The following TTBK2 variants were observed in gnomAD, a reference collection of about 807,000 sequenced individuals.
TTBK2 encodes the protein tau tubulin kinase 2.
TTBK2 carries 28 observed loss-of-function variants against 110.8 expected under a neutral mutation model. That is an observed-to-expected ratio of 0.25 (90% CI 0.19 to 0.35). The LOEUF (loss-of-function observed/expected upper bound fraction) is 0.35. Among genes scored for constraint, TTBK2 ranks in the 10% least tolerant of loss-of-function variants. TTBK2 has a pLI of 1.00. For synonymous variants in TTBK2, 532 were observed against 527.3 expected, an observed-to-expected ratio of 1.01 and a Z score of -0.12; for missense variants, 1,369 against 1,500.3, an observed-to-expected ratio of 0.91 and a Z score of 1.45.
chr15:42,772,767 T>G (rs1316323045), intron 13 of TTBK2, among the ~76,000 whole-genome samples: 1 of 152,052 alleles, frequency 6.6e-6, no homozygotes, highest in African/African-American at 2.4e-5. Context: ...GGCAATACAG[T>G]GGGACCCCGT....
chr15:42,831,022 ATGTGTGTGTGTGTGTGTG>A (rs67420749), intron 4 of TTBK2, among the ~76,000 whole-genome samples: 1 of 145,448 alleles, frequency 6.9e-6, no homozygotes, highest in South Asian at 2.2e-4. Context: ...AAATGTATAT[ATGTGTGTGTGTGTGTGTG>A]TGTGTGTGTG....
chr15:42,753,035 A>G lies in TTBK2; in HGVS notation c.2211T>C (p.Ile737=). 6.2e-7 allele frequency: 1 copy of G among 1,613,948 alleles called. No homozygotes were observed. The highest frequency in any genetic ancestry group is 8.5e-7 in the Non-Finnish European group (1 of 1,179,940). The change falls in exon 14 of 15, where the codon ATT becomes ATC. Residue 737 remains isoleucine (I), a synonymous_variant. Transcript: ENST00000267890. ...TAATGTTGGGTAACATGTCATGACCAATGTGATCTATCTGAAGCCCCAAAT... is the reference window on the plus strand; with the variant it reads ...TAATGTTGGGTAACATGTCATGACCGATGTGATCTATCTGAAGCCCCAAAT... ...RTDLGLQIDH[I]GHDMLPNIRE... is the part of the protein sequence containing the mutation.
In TTBK2 at chr15:42,828,009, A is replaced by C; in HGVS notation, c.456T>G (p.Phe152Leu). 6.2e-7 allele frequency: 1 copy of C among 1,613,566 alleles called. No individual in the cohort carries two copies. The highest frequency in any genetic ancestry group is 1.1e-5 in the South Asian group (1 of 91,020). ...IKPSNFAMGR[F>L]PSTCRKCYML... ...TGTAACATTTCCTACATGTACTAGG[A>C]AAGCGACCCATAGCGAAGTTCGACT... Residue 152 changes from phenylalanine (F) to leucine (L), a missense_variant, in exon 6 of 15, where the codon TTT becomes TTG. By Grantham distance (22) the Phe-to-Leu change is conservative. Around this residue, in one of 4 missense-constraint regions of TTBK2, gnomAD observed 12 missense variants for 47.0 expected, o/e 0.26. Coordinates refer to ENST00000267890, the MANE Select transcript of TTBK2 (RefSeq NM_173500.4).
chr15:42,857,663 C>T (rs1023041148), intron 3 of TTBK2: 2 of 152,132 alleles, frequency 1.3e-5, no homozygotes, highest in African/African-American at 2.4e-5. Flanking sequence ...TTCAACAATA[C>T]AGATCCCTCA....
At chr15:42,895,454 A>G (rs1895626873) in intron 1 of TTBK2, among the ~76,000 whole-genome samples, 2 of 151,810 alleles carry the variant, frequency 1.3e-5, no homozygotes, top group Admixed American at 1.3e-4. Context: ...ACACATATTT[A>G]CCCATGGAAC....
At chr15:42,890,546 T>G (rs1365397420) in intron 1 of TTBK2, among the ~76,000 whole-genome samples, 1 of 152,208 alleles carries the variant, frequency 6.6e-6, no homozygotes, top group Admixed American at 6.5e-5. Context: ...TTCTAGCAAA[T>G]TGCACTTCTC....
rs990190832 is a variant in TTBK2 at position 42,775,510 on chromosome 15, G to C, written c.1623C>G (p.Ser541Arg). The stretch of plus-strand genomic sequence containing the variant: ...TGGAATCAATTTCTTGCTTGCAAGA[G>C]CTCAGGTTAACAGCTATAAATCCAT... Reference protein sequence around the residue: ...GSNGFIAVNLSSCKQEIDSKE... With the variant: ...GSNGFIAVNLRSCKQEIDSKE... The change falls in exon 13 of 15, where the codon AGC becomes AGG. Residue 541 changes from serine to arginine, a missense_variant. Around this residue, in one of 4 missense-constraint regions of TTBK2, gnomAD observed 1,097 missense variants for 1,114.7 expected, o/e 0.98. Transcript: ENST00000267890. The C allele has an allele frequency of 6.2e-7, 1 of 1,614,068 alleles. No homozygotes were observed. The highest frequency in any genetic ancestry group is 8.5e-7 in the Non-Finnish European group (1 of 1,180,044).
chr15:42,823,466 A>C (rs899905005), intron 6 of TTBK2, among the ~76,000 whole-genome samples: 1 of 152,222 alleles, frequency 6.6e-6, no homozygotes, highest in Non-Finnish European at 1.5e-5. Context: ...CGTAAACACC[A>C]CACTGGTATA....
intron 13 of TTBK2, among the ~76,000 whole-genome samples, chr15:42,767,639 A>C (rs1889445280): frequency 6.6e-6 from 1 of 152,162 alleles, no homozygotes; most frequent in Admixed American, 6.5e-5. Flanking sequence ...CAACCAAAAG[A>C]AGTCCAGGAC....
intron 14 of TTBK2, among the ~76,000 whole-genome samples, chr15:42,750,907 G>A (rs2061856317): frequency 6.6e-6 from 1 of 152,202 alleles, no homozygotes; most frequent in Non-Finnish European, 1.5e-5. Flanking sequence ...GAGGCTGGAA[G>A]TACTTTAGTA....
intron 3 of TTBK2, among the ~76,000 whole-genome samples, chr15:42,860,527 G>A (rs181952771): frequency 3.3e-5 from 5 of 151,870 alleles, no homozygotes; most frequent in African/African-American, 4.8e-5. Context: ...GGGTTGGATC[G>A]CTTGAGCCCA....
intron 4 of TTBK2, among the ~76,000 whole-genome samples, chr15:42,839,057 C>T (rs60881935): frequency 0.064 from 9,715 of 152,128 alleles, 914 homozygotes; most frequent in African/African-American, 0.2. Context: ...GTAGTGAGCA[C>T]AGTATCCAAC....
At chr15:42,754,137 T>A (rs2061909279) in intron 13 of TTBK2, among the ~76,000 whole-genome samples, 1 of 150,836 alleles carries the variant, frequency 6.6e-6, no homozygotes, top group Non-Finnish European at 1.5e-5. Context: ...GACTGAAGTG[T>A]AAGTGGTGTG....
chr15:42,862,191 TA>T (rs995803759), intron 3 of TTBK2, among the ~76,000 whole-genome samples: 14 of 149,614 alleles, frequency 9.4e-5, no homozygotes, highest in African/African-American at 3.2e-4. Flanking sequence ...TGAAACTATT[TA>T]AAAAAAAAAT....
chr15:42,861,920 C>T (rs549125304), intron 3 of TTBK2, among the ~76,000 whole-genome samples: 1 of 152,180 alleles, frequency 6.6e-6, no homozygotes, highest in East Asian at 1.9e-4. Flanking sequence ...ACTGATCCCA[C>T]GGAAGTACAA....
chr15:42,918,799 A>G (rs1043515543), intron 1 of TTBK2, among the ~76,000 whole-genome samples: 1 of 152,234 alleles, frequency 6.6e-6, no homozygotes, highest in Admixed American at 6.5e-5. Context: ...ATCAACACTT[A>G]AAATCAAAAG....
intron 11 of TTBK2, among the ~76,000 whole-genome samples, chr15:42,778,290 C>CAAAAAAAAA (rs55838282): frequency 1.6e-5 from 2 of 127,588 alleles, no homozygotes; most frequent in Non-Finnish European, 3.2e-5. Context: ...AGCAAGTAAG[C>CAAAAAAAAA]AAAAAAAAAA....
intron 3 of TTBK2, among the ~76,000 whole-genome samples, chr15:42,854,348 T>C (rs1003665385): frequency 6.6e-6 from 1 of 152,198 alleles, no homozygotes; most frequent in South Asian, 2.1e-4. Context: ...TAAGAAGATT[T>C]CCTTTGATAA....
At chr15:42,780,527 G>C (rs1215429863) in intron 11 of TTBK2, among the ~76,000 whole-genome samples, 2 of 151,704 alleles carry the variant, frequency 1.3e-5, no homozygotes, top group African/African-American at 4.8e-5. Context: ...ACTACCAAGA[G>C]AACAGAATTA....
Sources: allele counts gnomAD v4.1 joint callset (sites outside exome capture counted in the v4.1 genomes callset), GRCh38; gene constraint gnomAD v4.1.1; regional missense constraint gnomAD v4.1.1; transcripts MANE v1.5; gene names NCBI Gene and HGNC (gene_info 2026-07-23, HGNC 2026-07-21).